GAPVD1: variants seen among roughly 807,000 people sequenced by gnomAD.
GAPVD1 encodes the protein GTPase activating protein and VPS9 domains 1.
Under a neutral mutation model 155.5 loss-of-function variants are expected in GAPVD1, and 35 were observed. That is an observed-to-expected ratio of 0.23 (90% CI 0.17 to 0.30). The LOEUF is 0.30. GAPVD1 is among the 10% of genes least tolerant of loss of function. GAPVD1 has a pLI of 1.00. For synonymous variants in GAPVD1, 636 were observed against 619.7 expected, an observed-to-expected ratio of 1.03 and a Z score of -0.39; for missense variants, 1,429 against 1,775.7, an observed-to-expected ratio of 0.80 and a Z score of 3.51.
At chr9:125,269,331 T>C (rs1375820806) in intron 2 of GAPVD1, among the ~76,000 whole-genome samples, 1 of 152,182 alleles carries the variant, frequency 6.6e-6, no homozygotes, top group East Asian at 1.9e-4. Context: ...AGGCTGTTTT[T>C]TTGTCATACA....
In GAPVD1 at chr9:125,293,847, AT is replaced by A. The variant is rs1839158601; in HGVS notation, c.-149-1610del. 4.0e-5 allele frequency among the ~76,000 whole-genome samples: 2 copies of A among 50,166 alleles called. 1 individual carries two copies. Among genetic ancestry groups the A allele is most frequent in the African/African-American group, 2.1e-4 (2 of 9,446 alleles). The allele number at this position is 50,166 out of a possible 152,430, so 32.9% of individuals were successfully genotyped here. On this transcript the variant is annotated intron_variant, in intron 2 of 27. Coordinates refer to ENST00000297933, the MANE Select transcript of GAPVD1 (RefSeq NM_001282680.3). ...TATAAAAAAATATATATATAAAAAT[AT>A]ATTTTATATATATATATATATATAT...
Position 125,307,725 on chromosome 9 carries a change from A to G in GAPVD1, c.1286A>G (p.Gln429Arg). ...NFMKSVMSGD[Q>R]LREDRMALDN... Reference sequence around the variant, plus strand: ...ATGAAGAGTGTGATGTCTGGAGATCAACTGAGAGAAGATAGAATGGCTCTT... The same window carrying G: ...ATGAAGAGTGTGATGTCTGGAGATCGACTGAGAGAAGATAGAATGGCTCTT... The change falls in exon 8 of 28, where the codon CAA (glutamine) becomes CGA (arginine). Residue 429 changes from glutamine (Q) to arginine (R), a missense_variant. By Grantham distance (43) the Gln-to-Arg change is conservative. This residue lies in a region of GAPVD1 where 628 missense variants were observed against 733.4 expected (regional missense o/e 0.86). Coordinates refer to ENST00000297933, the MANE Select transcript of GAPVD1 (RefSeq NM_001282680.3). 1 of 1,614,092 alleles carries G rather than the reference A, an allele frequency of 6.2e-7. No homozygotes were observed. The highest frequency in any genetic ancestry group is 1.6e-4 in the Middle Eastern group (1 of 6,062).
intron 2 of GAPVD1, among the ~76,000 whole-genome samples, chr9:125,270,787 T>C (rs1328862225): frequency 1.3e-5 from 2 of 151,832 alleles, no homozygotes; most frequent in Non-Finnish European, 2.9e-5. Context: ...CTGGTAAAAG[T>C]ACAAAATTAG....
chr9:125,293,898 ATATAT>A (rs1564312654), intron 2 of GAPVD1, among the ~76,000 whole-genome samples: 2 of 101,212 alleles, frequency 2.0e-5, no homozygotes, highest in Non-Finnish European at 3.9e-5. Context: ...ATATATATAT[ATATAT>A]AAGTTTTTGT....
At chr9:125,308,069 T>C in intron 8 of GAPVD1, 189 bp downstream of exon 8, 1 of 604,458 alleles carries the variant, frequency 1.7e-6, no homozygotes, top group Non-Finnish European at 2.9e-6. Flanking sequence ...TCTTTAGCTT[T>C]GCCTACATAC....
At chr9:125,262,200 G>T (rs1440754267) in intron 1 of GAPVD1, among the ~76,000 whole-genome samples, 1 of 152,172 alleles carries the variant, frequency 6.6e-6, no homozygotes, top group Non-Finnish European at 1.5e-5. Flanking sequence ...GCTGAGGAGA[G>T]GGAGAGACGC....
chr9:125,279,886 GAGT>G (rs1329804815), intron 2 of GAPVD1, among the ~76,000 whole-genome samples: 3 of 150,500 alleles, frequency 2.0e-5, no homozygotes, highest in Non-Finnish European at 4.4e-5. Flanking sequence ...TCAGCCTCCT[GAGT>G]AGTTGGGATT....
chr9:125,304,980 A>C lies in GAPVD1; in HGVS notation c.1030-83A>C, dbSNP rs537838221. The C allele has an allele frequency of 2.8e-5, 25 of 883,676 alleles. No individual in the cohort carries two copies. In the East Asian group the frequency reaches 2.9e-4, roughly 10 times the overall value. The allele number at this position is 883,676 out of a possible 1,614,324, so 54.7% of individuals were successfully genotyped here. A position where few individuals can be genotyped will look rare whatever the true frequency, so the allele number is the denominator to read the frequency against. ...TTATGAAACAGATTTTTAGAACAGA[A>C]TAGACGTGCTTGCTTTCATAGAGAC... On this transcript the variant is annotated intron_variant, in intron 5 of 27. Transcript: ENST00000297933.
At chr9:125,309,890 G>C (rs1450962812) in intron 8 of GAPVD1, 2 of 448,870 alleles carry the variant, frequency 4.5e-6, no homozygotes, top group East Asian at 1.4e-4. Context: ...ATTGTTCAGA[G>C]GGTTGATTTT....
intron 2 of GAPVD1, among the ~76,000 whole-genome samples, chr9:125,292,685 C>T (rs779719257): frequency 2.0e-5 from 3 of 151,722 alleles, no homozygotes; most frequent in South Asian, 2.1e-4. Flanking sequence ...CCACCACGCC[C>T]GGCTGGTCCA....
At chr9:125,313,050 A>G (rs746680294) in intron 9 of GAPVD1, among the ~76,000 whole-genome samples, 4 of 152,078 alleles carry the variant, frequency 2.6e-5, no homozygotes, top group African/African-American at 7.2e-5. Context: ...AAACTCCCCA[A>G]CTGAGGTGAT....
chr9:125,336,019 G>A (rs1166083136), intron 15 of GAPVD1, among the ~76,000 whole-genome samples: 1 of 151,788 alleles, frequency 6.6e-6, no homozygotes, highest in East Asian at 1.9e-4. Flanking sequence ...AGCTGGGTGT[G>A]GTGTGCTCAC....
In GAPVD1 at chr9:125,366,875, C is replaced by T. The variant is rs1404557052; in HGVS notation, c.*4129C>T. ...GGAGTGACCCTGGAGCTGCCGCATC[C>T]CACAGGCCTGAGCTCAGCAAGGGTT... On this transcript the variant is annotated 3_prime_UTR_variant, in exon 28 of 28. Coordinates refer to ENST00000297933, the MANE Select transcript of GAPVD1 (RefSeq NM_001282680.3). 1 of 152,142 alleles carries T rather than the reference C, an allele frequency of 6.6e-6. No individual in the cohort carries two copies. Among genetic ancestry groups the T allele is most frequent in the East Asian group, 1.9e-4 (1 of 5,196 alleles). 9.4% of individuals were successfully genotyped at this position (152,142 alleles called of 1,614,324 possible). A position where few individuals can be genotyped will look rare whatever the true frequency, so the allele number is the denominator to read the frequency against.
chr9:125,262,471 G>T (rs928170154), intron 1 of GAPVD1, among the ~76,000 whole-genome samples: 2 of 152,164 alleles, frequency 1.3e-5, no homozygotes, highest in Non-Finnish European at 2.9e-5. Flanking sequence ...GAAAGTGAGG[G>T]AGCTGTTGGT....
intron 12 of GAPVD1, 122 bp downstream of exon 12, chr9:125,326,711 T>C (rs559335916): frequency 8.7e-6 from 6 of 688,268 alleles, no homozygotes; most frequent in Middle Eastern, 5.0e-4. Context: ...TCTGGGAAAC[T>C]GTTATAACTG....
At position 125,310,684 on chromosome 9, in the gene GAPVD1, C is replaced by A. The variant is rs566253167; in HGVS notation, c.1442-1768C>A. ...CCTCCCAAGTAGATGGGATCACAGGCGTGTGCCACCACGCCAGCTAATTTT... is the reference window on the plus strand; with the variant it reads ...CCTCCCAAGTAGATGGGATCACAGGAGTGTGCCACCACGCCAGCTAATTTT... On this transcript the variant is annotated intron_variant, in intron 8 of 27. Transcript: ENST00000297933. Among the ~76,000 whole-genome samples, 4 of 147,184 alleles carry A rather than the reference C, an allele frequency of 2.7e-5. No homozygotes were observed. The South Asian group carries it at 8.7e-4, about 32-fold the overall frequency.
chr9:125,321,423 T>A lies in GAPVD1; in HGVS notation c.1603-10T>A. ...CATTGATAAACCAAAATTGACATTT[T>A]ATTTTTTAGGTCCTAAACATGCAGC... On this transcript the variant is annotated splice_polypyrimidine_tract_variant and intron_variant, in intron 9 of 27. Transcript: ENST00000297933. 6.2e-7 allele frequency: 1 copy of A among 1,605,532 alleles called. No individual in the cohort carries two copies. Among genetic ancestry groups the A allele is most frequent in the Non-Finnish European group, 8.5e-7 (1 of 1,175,032 alleles).
intron 2 of GAPVD1, among the ~76,000 whole-genome samples, chr9:125,282,743 C>T (rs1432610172): frequency 1.3e-5 from 2 of 152,032 alleles, no homozygotes; most frequent in African/African-American, 4.8e-5. Flanking sequence ...GGGCATCATC[C>T]CAATTTTGAA....
chr9:125,320,080 A>G (rs1321094380), intron 9 of GAPVD1, among the ~76,000 whole-genome samples: 2 of 152,180 alleles, frequency 1.3e-5, no homozygotes, highest in South Asian at 2.1e-4. Flanking sequence ...ACATTGTGGA[A>G]TGGCTGAATC....
Sources: gnomAD v4.1 joint callset for allele counts (sites outside exome capture counted in the v4.1 genomes callset) on GRCh38, gnomAD v4.1.1 for gene constraint, gnomAD v4.1.1 regional missense constraint, MANE v1.5 for transcripts, NCBI Gene and HGNC (gene_info 2026-07-23, HGNC 2026-07-21) for gene names.